Variants in PDE3B observed in about 807,000 individuals in gnomAD.
The protein encoded by PDE3B is phosphodiesterase 3B.
In PDE3B, 66 loss-of-function variants were observed where a neutral mutation model predicts 116.8. The observed-to-expected ratio is 0.56, with a 90% CI of 0.46 to 0.69. The LOEUF is 0.69. Ranked by LOEUF, PDE3B falls within the 30% of genes least tolerant of loss-of-function variation. PDE3B has a pLI of 0.00. For synonymous variants in PDE3B, 595 were observed against 533.6 expected (o/e 1.12, Z -1.59); for missense variants, 1,384 against 1,368.1 (o/e 1.01, Z -0.18).
the PDE3B span, chr11:14,879,500 T>G: frequency 7.4e-7 from 1 of 1,344,152 alleles, no homozygotes; most frequent in Non-Finnish European, 1.0e-6. Context: ...TACCTAAAGT[T>G]ATTTCCCTCT....
At chr11:14,860,450 ATTCTT>A (rs1218760814) in intron 13 of PDE3B, among the ~76,000 whole-genome samples, 18 of 152,256 alleles carry the variant, frequency 1.2e-4, no homozygotes, top group African/African-American at 3.4e-4. Flanking sequence ...GATGTGGCTC[ATTCTT>A]TTCATTTTTT....
At chr11:14,730,505 G>A (rs200711156) in intron 1 of PDE3B, among the ~76,000 whole-genome samples, 3 of 152,050 alleles carry the variant, frequency 2.0e-5, no homozygotes, top group East Asian at 1.9e-4. Flanking sequence ...AGAGAAAAAG[G>A]CATAAATTAT....
At chr11:14,658,105 C>G (rs565440524) in intron 1 of PDE3B, among the ~76,000 whole-genome samples, 7 of 151,042 alleles carry the variant, frequency 4.6e-5, no homozygotes, top group African/African-American at 1.7e-4. Flanking sequence ...CTTCCAAGAG[C>G]AAAAAAAGGG....
At chr11:14,884,524 G>A in the PDE3B span, among the ~76,000 whole-genome samples, 1 of 125,924 alleles carries the variant, frequency 7.9e-6, no homozygotes, top group Non-Finnish European at 1.6e-5. Context: ...ACACTCTGGG[G>A]ACTGTTGTGG....
chr11:14,771,329 A>G (rs1413943058), intron 1 of PDE3B, among the ~76,000 whole-genome samples: 1 of 151,818 alleles, frequency 6.6e-6, no homozygotes, highest in East Asian at 1.9e-4. Flanking sequence ...GGAAGCAGCC[A>G]AAAAGCTTGT....
At position 14,843,869 on chromosome 11, in the gene PDE3B, C is replaced by G. The variant is rs1350830755; in HGVS notation, c.2363C>G (p.Ser788Cys). 18 of 1,614,084 alleles carry G rather than the reference C, an allele frequency of 1.1e-5. No individual in the cohort carries two copies. The highest frequency in any genetic ancestry group is 1.5e-5 in the Non-Finnish European group (18 of 1,179,986). The change falls in exon 12 of 16, where the codon TCT (serine) becomes TGT (cysteine). Residue 788 changes from serine to cysteine, a missense_variant. This residue lies in a region of PDE3B where 428 missense variants were observed against 561.4 expected (regional missense o/e 0.76). Transcript: ENST00000282096. ...RINHGRIAYI[S>C]SKSCSNPDES... is the part of the protein sequence containing the mutation. ...AACCATGGGCGAATTGCTTATATTTCTTCGAAGAGCTGCTCTAATCCTGAT... is the reference window on the plus strand; with the variant it reads ...AACCATGGGCGAATTGCTTATATTTGTTCGAAGAGCTGCTCTAATCCTGAT...
At chr11:14,894,294 T>C in the PDE3B span, among the ~76,000 whole-genome samples, 2 of 152,120 alleles carry the variant, frequency 1.3e-5, no homozygotes, top group Non-Finnish European at 2.9e-5. Context: ...CAAAGGCCAG[T>C]GGAGATGACA....
chr11:14,760,407 G>A (rs972934759), intron 1 of PDE3B, among the ~76,000 whole-genome samples: 5 of 152,188 alleles, frequency 3.3e-5, no homozygotes, highest in African/African-American at 1.2e-4. Context: ...AATCAAAGTA[G>A]GAACAAATCA....
chr11:14,780,968 A>G (rs1184786630), intron 2 of PDE3B, among the ~76,000 whole-genome samples: 11 of 152,204 alleles, frequency 7.2e-5, no homozygotes, highest in Admixed American at 7.2e-4. Flanking sequence ...GTAATGAAAA[A>G]TGATAAAGGG....
At chr11:14,654,738 G>T (rs1332447385) in intron 1 of PDE3B, among the ~76,000 whole-genome samples, 1 of 151,086 alleles carries the variant, frequency 6.6e-6, no homozygotes, top group East Asian at 1.9e-4. Flanking sequence ...TCAAGGGGAG[G>T]GCTAAGAGTT....
intron 2 of PDE3B, among the ~76,000 whole-genome samples, chr11:14,783,503 G>C (rs1384022263): frequency 1.3e-5 from 2 of 152,060 alleles, no homozygotes; most frequent in East Asian, 1.9e-4. Context: ...GCAAGCTATC[G>C]CAAGGACAGA....
chr11:14,766,678 A>AC (rs978231206), intron 1 of PDE3B, among the ~76,000 whole-genome samples: 2 of 151,582 alleles, frequency 1.3e-5, no homozygotes, highest in African/African-American at 4.8e-5. Flanking sequence ...AAACAAACAA[A>AC]AAAAAAACAG....
At chr11:14,650,752 A>G (rs930548529) in intron 1 of PDE3B, among the ~76,000 whole-genome samples, 3 of 152,076 alleles carry the variant, frequency 2.0e-5, no homozygotes, top group African/African-American at 7.2e-5. Context: ...AGATTACTCA[A>G]CCCATCTTTG....
chr11:14,691,628 G>A (rs758624321), intron 1 of PDE3B, among the ~76,000 whole-genome samples: 3 of 152,104 alleles, frequency 2.0e-5, no homozygotes, highest in Non-Finnish European at 2.9e-5. Context: ...TCTAGGTGCT[G>A]GAGATAGAGC....
intron 1 of PDE3B, among the ~76,000 whole-genome samples, chr11:14,691,076 G>C (rs1855029466): frequency 6.6e-6 from 1 of 152,162 alleles, no homozygotes; most frequent in African/African-American, 2.4e-5. Flanking sequence ...GAGGAAAAAG[G>C]AAATGAGGTC....
At chr11:14,754,471 T>C (rs1204108365) in intron 1 of PDE3B, among the ~76,000 whole-genome samples, 1 of 152,168 alleles carries the variant, frequency 6.6e-6, no homozygotes, top group Non-Finnish European at 1.5e-5. Context: ...ATTATTGCTA[T>C]GTTATAAACG....
rs1365479962 is a variant in PDE3B at position 14,644,926 on chromosome 11, A to G, written c.851A>G (p.Glu284Gly). Reference protein sequence around the residue: ...LHPRLSSAAEEKVPVIRPRRR... With the variant: ...LHPRLSSAAEGKVPVIRPRRR... ...CCTCGACTGTCCAGTGCCGCCGAAG[A>G]AAAAGTGCCTGTGATCCGACCCCGG... Residue 284 changes from glutamate (E) to glycine (G), a missense_variant, in exon 1 of 16, where the codon GAA becomes GGA. Transcript: ENST00000282096. The G allele has an allele frequency of 1.9e-6, 3 of 1,614,120 alleles. No individual in the cohort carries two copies. The highest frequency in any genetic ancestry group is 2.2e-5 in the South Asian group (2 of 91,078).
Position 14,724,964 on chromosome 11 carries a change from G to C in PDE3B, c.979-46973G>C, listed in dbSNP as rs533659983. ...GGATAAGATAGTCAAGATCTTTGCT[G>C]TCATGGAACCTAAACTGTAGTAGAA... On this transcript the variant is annotated intron_variant, in intron 1 of 15. Transcript: ENST00000282096. 5.9e-5 allele frequency among the ~76,000 whole-genome samples: 9 copies of C among 152,304 alleles called. No homozygotes were observed. In the East Asian group the frequency reaches 9.6e-4, roughly 16 times the overall value.
intron 2 of PDE3B, among the ~76,000 whole-genome samples, chr11:14,779,063 A>G (rs1324168470): frequency 6.6e-6 from 1 of 152,092 alleles, no homozygotes; most frequent in Non-Finnish European, 1.5e-5. Context: ...AAGTAGAAGA[A>G]AGGGTGTCAG....
Sources: allele counts gnomAD v4.1 joint callset (sites outside exome capture counted in the v4.1 genomes callset), GRCh38; gene constraint gnomAD v4.1.1; regional missense constraint gnomAD v4.1.1; transcripts MANE v1.5; gene names NCBI Gene and HGNC (gene_info 2026-07-23, HGNC 2026-07-21).